The following FUT8 variants were observed in gnomAD, a reference collection of about 807,000 sequenced individuals.
FUT8 encodes alpha-(1,6)-fucosyltransferase.
FUT8 carries 29 observed loss-of-function variants against 71.3 expected under a neutral mutation model. That is an observed-to-expected ratio of 0.41 (90% CI 0.30 to 0.55). FUT8 has a LOEUF of 0.55. Ranked by LOEUF, FUT8 falls within the 20% of genes least tolerant of loss-of-function variation. The pLI, the probability that FUT8 is intolerant of heterozygous loss-of-function variation, is 0.34. For synonymous variants in FUT8, 254 were observed against 239.3 expected, an observed-to-expected ratio of 1.06 and a Z score of -0.57; for missense variants, 544 against 702.1, an observed-to-expected ratio of 0.77 and a Z score of 2.55.
At chr14:65,485,211 C>G (rs2066391358) in intron 2 of FUT8, among the ~76,000 whole-genome samples, 1 of 152,024 alleles carries the variant, frequency 6.6e-6, no homozygotes, top group East Asian at 1.9e-4. Context: ...TCCTTGTTTG[C>G]TAACATCTGG....
chr14:65,535,990 T>C lies in FUT8; in HGVS notation c.-227-25347T>C, dbSNP rs938248723. 5.9e-5 allele frequency among the ~76,000 whole-genome samples: 9 copies of C among 152,312 alleles called. No individual in the cohort carries two copies. The South Asian group carries it at 1.9e-3, about 32-fold the overall frequency. On this transcript the variant is annotated intron_variant, in intron 2 of 10. Coordinates refer to ENST00000673929, the MANE Select transcript of FUT8 (RefSeq NM_001371533.1). Reference sequence around the variant, plus strand: ...GTGTTGGGTGCATATATATTTAGGATAGTTAGGTCTTCTTGTTGAATTAAA... The same window carrying C: ...GTGTTGGGTGCATATATATTTAGGACAGTTAGGTCTTCTTGTTGAATTAAA...
At chr14:65,617,446 C>A (rs1320209195) in intron 5 of FUT8, among the ~76,000 whole-genome samples, 1 of 152,190 alleles carries the variant, frequency 6.6e-6, no homozygotes, top group Non-Finnish European at 1.5e-5. Context: ...CAAATGCTGA[C>A]TAATTCTGTC....
the FUT8 span, among the ~76,000 whole-genome samples, chr14:65,372,477 G>A: frequency 3.3e-5 from 5 of 150,802 alleles, no homozygotes; most frequent in East Asian, 1.9e-4. Flanking sequence ...GTGCAGTGGC[G>A]CGATCTTGGC....
the FUT8 span, among the ~76,000 whole-genome samples, chr14:65,366,895 G>C: frequency 6.6e-6 from 1 of 152,188 alleles, no homozygotes; most frequent in Non-Finnish European, 1.5e-5. Flanking sequence ...GATTCCTTCT[G>C]TAAGAAGGGA....
chr14:65,599,336 T>C (rs190136369), intron 3 of FUT8, among the ~76,000 whole-genome samples: 1 of 152,318 alleles, frequency 6.6e-6, no homozygotes, highest in African/African-American at 2.4e-5. Context: ...TCCCTATACT[T>C]CTAACAGTGG....
intron 2 of FUT8, among the ~76,000 whole-genome samples, chr14:65,481,926 CT>C: frequency 6.6e-6 from 1 of 152,144 alleles, no homozygotes; most frequent in South Asian, 2.1e-4. Context: ...TGTTGCTTGT[CT>C]TTTCTTTCTC....
At chr14:65,439,993 T>TATATATATATATATATACAC (rs1555361023) in intron 1 of FUT8, among the ~76,000 whole-genome samples, 1 of 138,168 alleles carries the variant, frequency 7.2e-6, no homozygotes, top group African/African-American at 2.6e-5. Flanking sequence ...TATATATATG[T>TATATATATATATATATACAC]ACACACACAC....
At chr14:65,480,202 T>G (rs929602666) in intron 2 of FUT8, among the ~76,000 whole-genome samples, 1 of 152,098 alleles carries the variant, frequency 6.6e-6, no homozygotes, top group African/African-American at 2.4e-5. Flanking sequence ...ATTGACTGAT[T>G]GCTTTTTTAT....
intron 1 of FUT8, among the ~76,000 whole-genome samples, chr14:65,436,269 C>T (rs1003032381): frequency 3.2e-4 from 49 of 151,826 alleles, no homozygotes; most frequent in African/African-American, 1.1e-3. Flanking sequence ...CATAGCAAGA[C>T]CCTGTCTCAA....
intron 1 of FUT8, among the ~76,000 whole-genome samples, chr14:65,448,339 G>A (rs975794108): frequency 1.3e-5 from 2 of 152,124 alleles, no homozygotes; most frequent in African/African-American, 2.4e-5. Context: ...AGGCAATGGA[G>A]CCACCATCAA....
At position 65,467,557 on chromosome 14, in the gene FUT8, A is replaced by G. The variant is rs956937260; in HGVS notation, c.-228+11839A>G. Among the ~76,000 whole-genome samples the G allele has an allele frequency of 4.0e-5, 6 of 151,882 alleles. No homozygotes were observed. Among genetic ancestry groups the G allele is most frequent in the African/African-American group, 1.5e-4 (6 of 41,300 alleles). ...AGTGGTGTGATCTTGGCTCACTGCA[A>G]CCTCCACCTCCTGGGTTCAAGCGAT... On this transcript the variant is annotated intron_variant, in intron 2 of 10. Coordinates refer to ENST00000673929, the MANE Select transcript of FUT8 (RefSeq NM_001371533.1). This position sits in a 1 kb window ranked among gnomAD's most constrained non-coding sequence, Gnocchi z 4.1.
At chr14:65,474,769 A>C (rs535310984) in intron 2 of FUT8, among the ~76,000 whole-genome samples, 15 of 152,336 alleles carry the variant, frequency 9.8e-5, no homozygotes, top group African/African-American at 3.4e-4. Flanking sequence ...GCCTGAGAGA[A>C]GAAAATACTA....
In FUT8 at chr14:65,594,757, G is replaced by A. The variant is rs532720783; in HGVS notation, c.204-21221G>A. 1.6e-3 allele frequency among the ~76,000 whole-genome samples: 243 copies of A among 152,200 alleles called. 1 individual carries two copies. The highest frequency in any genetic ancestry group is 1.4e-3 in the East Asian group (7 of 5,172). On this transcript the variant is annotated intron_variant, in intron 3 of 10. Transcript: ENST00000673929. ...TCCCCTGAAGTCAAGCCACCTCTCT[G>A]CCTCTCTCTTCTGAAGTCAAGTTGC...
In FUT8 at chr14:65,545,669, ACT is replaced by A. The variant is rs552167970; in HGVS notation, c.-227-15665_-227-15664del. ...CAGTTGTTAAAAAAGTAAATTGATA[ACT>A]CTTATAACTGCAGTGTATATTTTAA... On this transcript the variant is annotated intron_variant, in intron 2 of 10. Transcript: ENST00000673929. 2.6e-3 allele frequency among the ~76,000 whole-genome samples: 391 copies of A among 151,870 alleles called. 4 individuals carry two copies. The highest frequency in any genetic ancestry group is 8.9e-3 in the African/African-American group (369 of 41,522).
At chr14:65,490,859 C>T (rs985817490) in intron 2 of FUT8, among the ~76,000 whole-genome samples, 10 of 152,068 alleles carry the variant, frequency 6.6e-5, no homozygotes, top group African/African-American at 2.4e-4. Flanking sequence ...TTGCAGATGG[C>T]AGTTATGCTG....
intron 7 of FUT8, among the ~76,000 whole-genome samples, chr14:65,706,550 A>G (rs953620404): frequency 6.6e-6 from 1 of 152,136 alleles, no homozygotes; most frequent in Non-Finnish European, 1.5e-5. Flanking sequence ...TGGCCTATAA[A>G]CAACAGCAAT....
At chr14:65,427,387 C>G (rs550586487) in intron 1 of FUT8, among the ~76,000 whole-genome samples, 3 of 152,254 alleles carry the variant, frequency 2.0e-5, no homozygotes, top group South Asian at 4.1e-4. Flanking sequence ...TTTATAATGG[C>G]TGTCTCAATT....
chr14:65,595,231 C>A (rs562617591), intron 3 of FUT8, among the ~76,000 whole-genome samples: 1 of 152,218 alleles, frequency 6.6e-6, no homozygotes, highest in South Asian at 2.1e-4. Flanking sequence ...TCCTGAGTCT[C>A]CTGAAAGTGT....
At chr14:65,725,300 G>A (rs1028440957) in intron 9 of FUT8, among the ~76,000 whole-genome samples, 1 of 152,162 alleles carries the variant, frequency 6.6e-6, no homozygotes, top group Non-Finnish European at 1.5e-5. Context: ...ACTCCCTGCT[G>A]TCAAGGAATT....
Sources: gnomAD v4.1 joint callset for allele counts (sites outside exome capture counted in the v4.1 genomes callset) on GRCh38, gnomAD v4.1.1 for gene constraint, Gnocchi (gnomAD v3.1) non-coding constraint, MANE v1.5 for transcripts, NCBI Gene and HGNC (gene_info 2026-07-23, HGNC 2026-07-21) for gene names.